MTUS2: variants seen among roughly 807,000 people sequenced by gnomAD.
MTUS2 encodes microtubule associated scaffold protein 2.
In MTUS2, 40 loss-of-function variants were observed where a neutral mutation model predicts 114.1. The ratio of observed to expected loss-of-function variants is 0.35; its 90% CI spans 0.27 to 0.46. The LOEUF (loss-of-function observed/expected upper bound fraction) is 0.46, where lower values mean the gene tolerates loss of function less well. Ranked by LOEUF, MTUS2 falls within the 20% of genes least tolerant of loss-of-function variation. The pLI is 1.00. For missense variants in MTUS2, 1,679 were observed against 1,705.4 expected (o/e 0.98, Z 0.27); for synonymous variants, 688 against 672.0 (o/e 1.02, Z -0.37).
At chr13:29,497,066 C>T (rs1168565773) in intron 12 of MTUS2, among the ~76,000 whole-genome samples, 172 bp from the exon 13 acceptor site, 1 of 152,112 alleles carries the variant, frequency 6.6e-6, no homozygotes, top group Admixed American at 6.5e-5. Flanking sequence ...GGAAACCATC[C>T]TCTGTTGTGT....
At chr13:29,278,019 G>A (rs2139527206) in intron 5 of MTUS2, among the ~76,000 whole-genome samples, 1 of 152,320 alleles carries the variant, frequency 6.6e-6, no homozygotes, top group Non-Finnish European at 1.5e-5. Context: ...AATCATGTTT[G>A]AATGGAAACT....
intron 4 of MTUS2, among the ~76,000 whole-genome samples, chr13:29,079,203 G>A (rs1889332295): frequency 6.6e-6 from 1 of 151,934 alleles, no homozygotes; most frequent in Admixed American, 6.6e-5. Flanking sequence ...ATGTGTTGCT[G>A]GCCAGTTAGT....
chr13:28,893,444 CT>C (rs1879050396), intron 2 of MTUS2, among the ~76,000 whole-genome samples: 1 of 152,138 alleles, frequency 6.6e-6, no homozygotes, highest in Non-Finnish European at 1.5e-5. Context: ...ATGATGTGAT[CT>C]TTTCCTGAGT....
intron 5 of MTUS2, among the ~76,000 whole-genome samples, chr13:29,149,023 T>G (rs143445194): frequency 8.5e-5 from 13 of 152,356 alleles, no homozygotes; most frequent in Admixed American, 7.8e-4. Flanking sequence ...AATAGAATGA[T>G]GTATATTCCT....
chr13:29,340,825 A>G (rs1056760583), intron 7 of MTUS2, among the ~76,000 whole-genome samples: 1 of 152,158 alleles, frequency 6.6e-6, no homozygotes, highest in African/African-American at 2.4e-5. Flanking sequence ...CCAAGTCCCC[A>G]AAGTGCATTG....
intron 5 of MTUS2, among the ~76,000 whole-genome samples, chr13:29,190,430 G>C (rs181776225): frequency 2.9e-4 from 44 of 152,348 alleles, no homozygotes; most frequent in African/African-American, 9.9e-4. Flanking sequence ...GAGCTGGGAT[G>C]CACACCCAGG....
At chr13:28,970,277 G>T (rs545148672) in intron 2 of MTUS2, among the ~76,000 whole-genome samples, 1 of 152,156 alleles carries the variant, frequency 6.6e-6, no homozygotes, top group African/African-American at 2.4e-5. Context: ...ATGTACAAAT[G>T]TAGAATAATA....
chr13:29,236,294 T>C (rs1399685934), intron 5 of MTUS2, among the ~76,000 whole-genome samples: 1 of 152,214 alleles, frequency 6.6e-6, no homozygotes, highest in African/African-American at 2.4e-5. Flanking sequence ...TTACTCAATA[T>C]TGTCTTGTAT....
chr13:29,381,784 T>A (rs1872224429), intron 8 of MTUS2, among the ~76,000 whole-genome samples: 1 of 151,276 alleles, frequency 6.6e-6, no homozygotes, highest in Non-Finnish European at 1.5e-5. Flanking sequence ...CTGACCCTCA[T>A]CTGCACAGAC....
At chr13:29,295,227 T>G (rs1386134629) in intron 6 of MTUS2, among the ~76,000 whole-genome samples, 1 of 151,934 alleles carries the variant, frequency 6.6e-6, no homozygotes, top group East Asian at 1.9e-4. Context: ...CAAATCAGAG[T>G]AGTGTATTAA....
At chr13:29,130,102 C>G (rs1222631338) in intron 5 of MTUS2, among the ~76,000 whole-genome samples, 1 of 151,840 alleles carries the variant, frequency 6.6e-6, no homozygotes, top group Non-Finnish European at 1.5e-5. Context: ...TGGAGTGAGT[C>G]CAAGAAGAGA....
chr13:28,965,257 C>T (rs1359284192), intron 2 of MTUS2, among the ~76,000 whole-genome samples: 1 of 152,204 alleles, frequency 6.6e-6, no homozygotes, highest in Non-Finnish European at 1.5e-5. Context: ...CCCCATTCAA[C>T]ACAAGGGGAA....
intron 9 of MTUS2, among the ~76,000 whole-genome samples, chr13:29,471,775 G>C (rs1355620909): frequency 6.9e-6 from 1 of 145,710 alleles, no homozygotes; most frequent in Non-Finnish European, 1.5e-5. Flanking sequence ...AGGTCACTTA[G>C]TTCCTCTTTC....
At chr13:28,877,140 A>C (rs1016243769) in intron 2 of MTUS2, among the ~76,000 whole-genome samples, 1 of 150,664 alleles carries the variant, frequency 6.6e-6, no homozygotes, top group African/African-American at 2.4e-5. Context: ...ATACAAAAAA[A>C]AAAAACAACA....
At chr13:29,189,967 C>T (rs186642121) in intron 5 of MTUS2, among the ~76,000 whole-genome samples, 7 of 152,110 alleles carry the variant, frequency 4.6e-5, no homozygotes, top group Admixed American at 4.6e-4. Flanking sequence ...GATTAGTGTC[C>T]TTAGGAGAAG....
At chr13:29,230,293 A>G (rs75630957) in intron 5 of MTUS2, among the ~76,000 whole-genome samples, 262 of 152,328 alleles carry the variant, frequency 1.7e-3, no homozygotes, top group African/African-American at 6.1e-3. Flanking sequence ...ATTACCAGGC[A>G]TTCCAAGAAC....
chr13:28,946,647 A>G (rs749343286), intron 2 of MTUS2, among the ~76,000 whole-genome samples: 22 of 152,070 alleles, frequency 1.4e-4, no homozygotes, highest in African/African-American at 4.8e-4. Context: ...TAATTTTCTC[A>G]AACAATTTGA....
intron 2 of MTUS2, among the ~76,000 whole-genome samples, chr13:28,846,064 A>G (rs1051858781): frequency 6.7e-6 from 1 of 149,092 alleles, no homozygotes; most frequent in African/African-American, 2.4e-5. Flanking sequence ...AAATATATAT[A>G]TATATATATA....
chr13:29,156,511 G>A (rs529917067), intron 5 of MTUS2, among the ~76,000 whole-genome samples: 39 of 152,190 alleles, frequency 2.6e-4, no homozygotes, highest in African/African-American at 8.9e-4. Context: ...TGGATGATGA[G>A]GGGAAGCAGT....
Sources: gnomAD v4.1 joint callset for allele counts (sites outside exome capture counted in the v4.1 genomes callset) on GRCh38, gnomAD v4.1.1 for gene constraint, MANE v1.5 for transcripts, NCBI Gene and HGNC (gene_info 2026-07-23, HGNC 2026-07-21) for gene names.